Variants in GAS2L1 observed in about 807,000 individuals in gnomAD.
GAS2L1 encodes the protein GAS2-like protein 1.
Under a neutral mutation model 44.0 loss-of-function variants are expected in GAS2L1, and 26 were observed. That is an observed-to-expected ratio of 0.59 (90% confidence interval 0.43 to 0.82). The LOEUF (loss-of-function observed/expected upper bound fraction) is 0.82, where lower values mean the gene tolerates loss of function less well. Among genes scored for constraint, GAS2L1 ranks in the 40% least tolerant of loss-of-function variants. The pLI is 0.00. For missense variants in GAS2L1, 1,006 were observed against 983.0 expected (o/e 1.02, Z -0.31); for synonymous variants, 426 against 415.9 (o/e 1.02, Z -0.30).
At chr22:29,309,133 G>T (rs915037314) in intron 1 of GAS2L1, among the ~76,000 whole-genome samples, 1 of 152,210 alleles carries the variant, frequency 6.6e-6, no homozygotes, top group Admixed American at 6.5e-5. Flanking sequence ...ATGGAGGCTC[G>T]AGGTTGAGCG....
At chr22:29,312,260 T>A in exon 5 of GAS2L1, 1 of 1,612,210 alleles carries the variant, frequency 6.2e-7, no homozygotes, top group Non-Finnish European at 8.5e-7. Context: ...GCTCCTCCGA[T>A]GAAGGCAGCC....
chr22:29,308,748 C>A lies in GAS2L1; in HGVS notation c.633+10C>A. On this transcript the variant is annotated intron_variant, in intron 1 of 4. Transcript: ENST00000618518. ...CAACCTCGACGAGCTGGTGAGTCCCCCAGCACCAGGTGCCAGGGACCCGAC... is the reference window on the plus strand; with the variant it reads ...CAACCTCGACGAGCTGGTGAGTCCCACAGCACCAGGTGCCAGGGACCCGAC... 6.7e-7 allele frequency: 1 copy of A among 1,482,890 alleles called. No homozygotes were observed. Among genetic ancestry groups the A allele is most frequent in the Admixed American group, 2.4e-5 (1 of 42,202 alleles). The allele number at this position is 1,482,890 out of a possible 1,614,324, so 91.9% of individuals were successfully genotyped here. A position where few individuals can be genotyped will look rare whatever the true frequency, so the allele number is the denominator to read the frequency against.
chr22:29,312,222 C>T (rs1448175298), exon 5 of GAS2L1: 1 of 1,612,908 alleles, frequency 6.2e-7, no homozygotes, highest in African/African-American at 1.3e-5. Flanking sequence ...CAATGGGCTG[C>T]CTGGGCCCCG....
exon 5 of GAS2L1, chr22:29,311,627 G>C (rs1378857007): frequency 1.3e-6 from 2 of 1,536,956 alleles, no homozygotes; most frequent in Non-Finnish European, 1.7e-6. Context: ...CAGGCACCCC[G>C]GCCTCTCCGA....
chr22:29,310,027 C>T (rs984141926), intron 1 of GAS2L1, among the ~76,000 whole-genome samples: 19 of 152,026 alleles, frequency 1.2e-4, no homozygotes, highest in African/African-American at 4.3e-4. Context: ...TTTGGGAGGC[C>T]GAGGCGGGTG....
chr22:29,308,975 G>A (rs1212897044), intron 1 of GAS2L1, among the ~76,000 whole-genome samples: 2 of 152,240 alleles, frequency 1.3e-5, no homozygotes, highest in Admixed American at 6.5e-5. Flanking sequence ...GACAGGATGC[G>A]GGCTCCTGGC....
At chr22:29,307,455 CCCA>C (rs2061360837) in exon 1 of GAS2L1, 1 of 152,370 alleles carries the variant, frequency 6.6e-6, no homozygotes, top group Admixed American at 6.5e-5. Flanking sequence ...GGCTCCTCCA[CCCA>C]CAGCTCTGCG....
intron 4 of GAS2L1, 107 bp downstream of exon 5, chr22:29,311,105 A>T: frequency 8.8e-7 from 1 of 1,134,370 alleles, no homozygotes; most frequent in Non-Finnish European, 1.2e-6. Context: ...CACCCTGGGA[A>T]AAGTTCCCGT....
chr22:29,308,346 C>T (rs538581500), exon 1 of GAS2L1: 3 of 1,604,368 alleles, frequency 1.9e-6, no homozygotes, highest in Admixed American at 3.4e-5. Context: ...AGCCGCCCGC[C>T]CGGCCCGAGG....
At chr22:29,309,045 T>G (rs2061378562) in intron 1 of GAS2L1, among the ~76,000 whole-genome samples, 1 of 152,206 alleles carries the variant, frequency 6.6e-6, no homozygotes, top group African/African-American at 2.4e-5. Flanking sequence ...CATTCCTTCT[T>G]CTGGGGGGCC....
At chr22:29,310,980 G>A in exon 4 of GAS2L1, 1 of 1,612,914 alleles carries the variant, frequency 6.2e-7, no homozygotes, top group Non-Finnish European at 8.5e-7. Flanking sequence ...ACAAAGGAGG[G>A]GCCCGAGACC....
intron 2 of GAS2L1, 32 bp downstream of exon 3, chr22:29,310,578 A>T: frequency 6.3e-7 from 1 of 1,587,724 alleles, no homozygotes; most frequent in Non-Finnish European, 8.6e-7. Flanking sequence ...AGCGGGCAGC[A>T]GCCAAGGTGG....
exon 5 of GAS2L1, chr22:29,311,526 G>C: frequency 6.5e-7 from 1 of 1,539,572 alleles, no homozygotes; most frequent in South Asian, 1.2e-5. Flanking sequence ...TGACTCCTCA[G>C]CCTCCTCCGC....
intron 4 of GAS2L1, 41 bp downstream of exon 5, chr22:29,311,039 G>C (rs748264714): frequency 8.3e-6 from 13 of 1,567,738 alleles, no homozygotes; most frequent in African/African-American, 1.3e-5. Flanking sequence ...TCCAGAGGGT[G>C]GGGGGGCGTC....
At chr22:29,311,340 C>T (rs2061403194) in intron 4 of GAS2L1, 122 bp from the exon 6 acceptor site, 1 of 600,076 alleles carries the variant, frequency 1.7e-6, no homozygotes, top group Non-Finnish European at 2.9e-6. Flanking sequence ...GTCCCCAGGA[C>T]AGACCGATGC....
chr22:29,310,363 G>T, intron 1 of GAS2L1, 76 bp from the exon 3 acceptor site: 1 of 813,780 alleles, frequency 1.2e-6, no homozygotes, highest in Non-Finnish European at 2.1e-6. Flanking sequence ...ACTTCCTCCT[G>T]ACCCTGGAAT....
At chr22:29,310,291 C>T (rs961366140) in intron 1 of GAS2L1, 148 bp from the exon 3 acceptor site, 30 of 529,674 alleles carry the variant, frequency 5.7e-5, no homozygotes, top group Admixed American at 1.0e-4. Context: ...AGAAAGGTCA[C>T]GTGTGGAAGC....
chr22:29,306,892 A>T (rs988486954), upstream of GAS2L1: 1 of 152,116 alleles, frequency 6.6e-6, no homozygotes, highest in Non-Finnish European at 1.5e-5. Flanking sequence ...TCCTGGCCCG[A>T]TCGCGGGCGG....
intron 1 of GAS2L1, among the ~76,000 whole-genome samples, chr22:29,309,202 C>T (rs987697215): frequency 1.3e-5 from 2 of 152,248 alleles, no homozygotes; most frequent in African/African-American, 4.8e-5. Context: ...GTGCCTGGCA[C>T]ACAGTAGGTG....
Sources: gnomAD v4.1 joint callset for allele counts (sites outside exome capture counted in the v4.1 genomes callset) on GRCh38, gnomAD v4.1.1 for gene constraint, MANE v1.5 for transcripts, NCBI Gene and HGNC (gene_info 2026-07-23, HGNC 2026-07-21) for gene names.